The following TMEFF2 variants were observed in gnomAD, a reference collection of about 807,000 sequenced individuals.
The protein encoded by TMEFF2 is transmembrane protein with EGF like and two follistatin like domains 2.
Under a neutral mutation model 53.8 loss-of-function variants are expected in TMEFF2, and 28 were observed. That is an observed-to-expected ratio of 0.52 (90% CI 0.39 to 0.71). The LOEUF is 0.71. Among genes scored for constraint, TMEFF2 ranks in the 30% least tolerant of loss-of-function variants. TMEFF2 has a pLI of 0.00. For missense variants in TMEFF2, 353 were observed against 455.2 expected, an observed-to-expected ratio of 0.78 and a Z score of 2.04; for synonymous variants, 162 against 166.3, an observed-to-expected ratio of 0.97 and a Z score of 0.20.
chr2:192,190,541 AG>A (rs1459496223), intron 2 of TMEFF2, among the ~76,000 whole-genome samples: 1 of 152,174 alleles, frequency 6.6e-6, no homozygotes. Context: ...AGACCTTAGA[AG>A]TTGACGTTAC....
chr2:192,180,258 T>TG (rs1691153075), intron 3 of TMEFF2, among the ~76,000 whole-genome samples: 2 of 151,602 alleles, frequency 1.3e-5, no homozygotes, highest in Non-Finnish European at 3.0e-5. Flanking sequence ...ACAGCTTAAT[T>TG]TTTGCCTTTG....
At chr2:192,072,558 A>G (rs1688315582) in intron 4 of TMEFF2, among the ~76,000 whole-genome samples, 1 of 129,550 alleles carries the variant, frequency 7.7e-6, no homozygotes, top group Non-Finnish European at 1.6e-5. Flanking sequence ...TTCTTCATGC[A>G]TATTCGTATT....
At chr2:191,981,989 C>A (rs946672098) in intron 7 of TMEFF2, among the ~76,000 whole-genome samples, 11 of 152,120 alleles carry the variant, frequency 7.2e-5, no homozygotes, top group African/African-American at 2.7e-4. Context: ...CAGTTAAACT[C>A]AAGTCACTTG....
chr2:191,974,675 A>AT (rs1178340005), intron 7 of TMEFF2, among the ~76,000 whole-genome samples: 60 of 151,628 alleles, frequency 4.0e-4, no homozygotes, highest in Non-Finnish European at 7.5e-4. Context: ...ATGTTTCTTT[A>AT]TTTTTTTTAA....
chr2:192,151,180 C>T (rs551935108), intron 4 of TMEFF2, among the ~76,000 whole-genome samples: 237 of 151,940 alleles, frequency 1.6e-3, no homozygotes, highest in African/African-American at 5.0e-3. Context: ...TTGTAAGTTT[C>T]CTGAGGCCTC....
chr2:192,160,223 T>C (rs1285404421), intron 4 of TMEFF2, among the ~76,000 whole-genome samples: 1 of 152,122 alleles, frequency 6.6e-6, no homozygotes, highest in Non-Finnish European at 1.5e-5. Context: ...TCAAAGTCAA[T>C]GTGAAGGCTG....
chr2:191,981,064 G>A (rs1283086438), intron 7 of TMEFF2, among the ~76,000 whole-genome samples: 1 of 151,330 alleles, frequency 6.6e-6, no homozygotes, highest in Admixed American at 6.6e-5. Flanking sequence ...TCTTCACTCT[G>A]CTGCCAGGTT....
Position 192,094,254 on chromosome 2 carries a change from A to C in TMEFF2, c.440-36479T>G, listed in dbSNP as rs1688854190. On this transcript the variant is annotated intron_variant, in intron 4 of 9. Coordinates refer to ENST00000272771, the MANE Select transcript of TMEFF2 (RefSeq NM_016192.4). ...CAATTGTGGCTTACAACACAGATAA[A>C]AGTTGAATGCTATACAACTTTTATT... is the stretch of plus-strand genomic sequence containing the variant. 2.6e-5 allele frequency among the ~76,000 whole-genome samples: 4 copies of C among 152,266 alleles called. 1 individual carries two copies. In the South Asian group the frequency reaches 6.2e-4, roughly 24 times the overall value.
intron 4 of TMEFF2, among the ~76,000 whole-genome samples, chr2:192,058,448 C>T (rs561404018): frequency 6.6e-6 from 1 of 152,152 alleles, no homozygotes; most frequent in East Asian, 1.9e-4. Context: ...TACATTGAGT[C>T]ACTGTTTAGT....
At chr2:192,132,530 T>G (rs573159399) in intron 4 of TMEFF2, among the ~76,000 whole-genome samples, 3 of 152,196 alleles carry the variant, frequency 2.0e-5, no homozygotes, top group African/African-American at 7.2e-5. Flanking sequence ...CAACAGGACT[T>G]AATTAACCTC....
chr2:192,074,214 G>A lies in TMEFF2; in HGVS notation c.440-16439C>T, dbSNP rs899281690. On this transcript the variant is annotated intron_variant, in intron 4 of 9. Transcript: ENST00000272771. Reference sequence around the variant, plus strand: ...AAACCTGAGTATCAACCTGCCTTAAGTTGCTGCTATTAGTTCTGAGAAGGT... The same window carrying A: ...AAACCTGAGTATCAACCTGCCTTAAATTGCTGCTATTAGTTCTGAGAAGGT... 4.6e-5 allele frequency among the ~76,000 whole-genome samples: 7 copies of A among 151,920 alleles called. No individual in the cohort carries two copies. The South Asian group carries it at 1.5e-3, about 31-fold the overall frequency.
At chr2:192,018,277 A>G (rs1686786264) in intron 5 of TMEFF2, among the ~76,000 whole-genome samples, 1 of 152,204 alleles carries the variant, frequency 6.6e-6, no homozygotes, top group Non-Finnish European at 1.5e-5. Flanking sequence ...AAAACTATCT[A>G]GCTGTGTTAG....
chr2:192,030,222 C>T (rs1199204472), intron 5 of TMEFF2: 2 of 152,220 alleles, frequency 1.3e-5, no homozygotes, highest in African/African-American at 2.4e-5. Context: ...GCCATTTCTG[C>T]TCCCTTTCTT....
rs367976235 is a variant in TMEFF2, at chr2:191,974,846, G to A, written c.746-18468C>T. ...TTATGTTAGTTGGCCAGTGGTTAATGGTGCAGAGAAAATTTAAGATACCAT... is the reference window on the plus strand; with the variant it reads ...TTATGTTAGTTGGCCAGTGGTTAATAGTGCAGAGAAAATTTAAGATACCAT... On this transcript the variant is annotated intron_variant, in intron 7 of 9. Coordinates refer to ENST00000272771, the MANE Select transcript of TMEFF2 (RefSeq NM_016192.4). Among the ~76,000 whole-genome samples, 16 of 152,066 alleles carry A rather than the reference G, an allele frequency of 1.1e-4. No individual in the cohort carries two copies. In the East Asian group the frequency reaches 2.5e-3, roughly 24 times the overall value.
At chr2:192,038,641 A>T (rs564192228) in intron 5 of TMEFF2, among the ~76,000 whole-genome samples, 4 of 151,914 alleles carry the variant, frequency 2.6e-5, no homozygotes, top group Non-Finnish European at 5.9e-5. Flanking sequence ...ACAGATGTCC[A>T]CCACCATGCC....
At chr2:192,143,043 G>A (rs1690173664) in intron 4 of TMEFF2, among the ~76,000 whole-genome samples, 1 of 152,086 alleles carries the variant, frequency 6.6e-6, no homozygotes, top group African/African-American at 2.4e-5. Context: ...AGCTTCCCAT[G>A]AAAAATCAGA....
intron 4 of TMEFF2, among the ~76,000 whole-genome samples, chr2:192,139,187 CT>C (rs1318774817): frequency 6.6e-6 from 1 of 152,108 alleles, no homozygotes; most frequent in East Asian, 1.9e-4. Context: ...CACTTCTTAC[CT>C]TTACTAAGGG....
intron 5 of TMEFF2, among the ~76,000 whole-genome samples, chr2:192,008,579 G>C (rs1404404784): frequency 6.6e-6 from 1 of 152,174 alleles, no homozygotes; most frequent in African/African-American, 2.4e-5. Flanking sequence ...TCACAGAGAA[G>C]TGCGGTCGCT....
chr2:192,172,800 T>C (rs1316772514), intron 4 of TMEFF2, among the ~76,000 whole-genome samples: 2 of 151,900 alleles, frequency 1.3e-5, no homozygotes, highest in Admixed American at 6.6e-5. Context: ...CTGGTAGAAT[T>C]GATGATTTAT....
Sources: gnomAD v4.1 joint callset for allele counts (sites outside exome capture counted in the v4.1 genomes callset) on GRCh38, gnomAD v4.1.1 for gene constraint, MANE v1.5 for transcripts, NCBI Gene and HGNC (gene_info 2026-07-23, HGNC 2026-07-21) for gene names.